Variants in TMEM108 observed in about 807,000 individuals in gnomAD.
The protein encoded by TMEM108 is cancer/testis antigen 124.
In TMEM108, 12 loss-of-function variants were observed where a neutral mutation model predicts 35.1. That is an observed-to-expected ratio of 0.34 (90% CI 0.22 to 0.55). The LOEUF (loss-of-function observed/expected upper bound fraction) is 0.55, where lower values mean the gene tolerates loss of function less well. TMEM108 is among the 20% of genes least tolerant of loss of function. The pLI is 0.89. For missense variants in TMEM108, 680 were observed against 753.3 expected (o/e 0.90, Z 1.14); for synonymous variants, 287 against 308.6 (o/e 0.93, Z 0.73).
At chr3:133,055,117 C>G (rs947445163) in intron 2 of TMEM108, among the ~76,000 whole-genome samples, 1 of 152,148 alleles carries the variant, frequency 6.6e-6, no homozygotes, top group Non-Finnish European at 1.5e-5. Context: ...TCCCCATCCC[C>G]TGTATTGAAT....
intron 2 of TMEM108, among the ~76,000 whole-genome samples, chr3:133,149,382 A>C (rs553795849): frequency 6.9e-4 from 105 of 152,324 alleles, no homozygotes; most frequent in Non-Finnish European, 1.5e-5. Flanking sequence ...AGAACACTAA[A>C]GATCTCTTAG....
intron 3 of TMEM108, among the ~76,000 whole-genome samples, chr3:133,238,295 T>A (rs1409079805): frequency 6.6e-6 from 1 of 152,242 alleles, no homozygotes; most frequent in African/African-American, 2.4e-5. Context: ...TTCCTTTGTT[T>A]CCAGTCTAAT....
intron 3 of TMEM108, chr3:133,378,211 C>T: frequency 4.7e-6 from 2 of 426,514 alleles, no homozygotes; most frequent in Non-Finnish European, 6.3e-6. Flanking sequence ...CCTCCCACTC[C>T]CCACCAATTT....
chr3:133,206,568 G>T (rs1004835262), intron 2 of TMEM108, among the ~76,000 whole-genome samples: 1 of 152,196 alleles, frequency 6.6e-6, no homozygotes, highest in Non-Finnish European at 1.5e-5. Flanking sequence ...CTCTGCTGCA[G>T]GACCATTGGA....
intron 2 of TMEM108, among the ~76,000 whole-genome samples, chr3:133,092,162 A>G (rs887021326): frequency 5.9e-5 from 9 of 152,218 alleles, no homozygotes; most frequent in Non-Finnish European, 1.5e-5. Flanking sequence ...GAAACAACCC[A>G]TCATTTGAGC....
intron 2 of TMEM108, among the ~76,000 whole-genome samples, chr3:133,159,048 C>G (rs1944922737): frequency 6.6e-6 from 1 of 152,154 alleles, no homozygotes; most frequent in East Asian, 1.9e-4. Flanking sequence ...AGAAGGACAG[C>G]AAAAATGCAG....
intron 2 of TMEM108, among the ~76,000 whole-genome samples, chr3:133,095,689 G>C (rs1364988499): frequency 6.6e-6 from 1 of 152,102 alleles, no homozygotes; most frequent in Non-Finnish European, 1.5e-5. Context: ...ATTCACAATA[G>C]GGTTTGTGCT....
At position 133,392,283 on chromosome 3, in the gene TMEM108, C is replaced by A. The variant is rs561420994; in HGVS notation, c.1605+1949C>A. Reference sequence around the variant, plus strand: ...GTTCAAGTGATTCTCCTGCCTCAGCCTCCCAAGTAGCTGGGACTACAAGCA... The same window carrying A: ...GTTCAAGTGATTCTCCTGCCTCAGCATCCCAAGTAGCTGGGACTACAAGCA... On this transcript the variant is annotated intron_variant, in intron 5 of 5. Coordinates refer to ENST00000321871, the MANE Select transcript of TMEM108 (RefSeq NM_023943.4). Among the ~76,000 whole-genome samples the A allele has an allele frequency of 3.6e-3, 526 of 147,584 alleles. 1 individual carries two copies. Among genetic ancestry groups the A allele is most frequent in the Non-Finnish European group, 6.3e-3 (417 of 66,078 alleles).
At chr3:133,125,493 G>A (rs980982578) in intron 2 of TMEM108, among the ~76,000 whole-genome samples, 1 of 152,114 alleles carries the variant, frequency 6.6e-6, no homozygotes, top group Non-Finnish European at 1.5e-5. Context: ...GAAAATAAGA[G>A]GTGATATAGC....
At chr3:133,156,213 G>C (rs998892704) in intron 2 of TMEM108, among the ~76,000 whole-genome samples, 1 of 152,024 alleles carries the variant, frequency 6.6e-6, no homozygotes, top group Non-Finnish European at 1.5e-5. Context: ...TGATTCTGTA[G>C]GTGTTTTACA....
chr3:133,050,555 G>A (rs1483978031), intron 2 of TMEM108, among the ~76,000 whole-genome samples: 1 of 151,920 alleles, frequency 6.6e-6, no homozygotes, highest in African/African-American at 2.4e-5. Context: ...TATATTCTTG[G>A]TGTTGTACAT....
At chr3:133,246,471 T>C (rs1946387240) in intron 3 of TMEM108, 1 of 135,900 alleles carries the variant, frequency 7.4e-6, no homozygotes, top group South Asian at 2.4e-4. Context: ...TTATTCTGAT[T>C]TGTCCTAAAA....
intron 3 of TMEM108, among the ~76,000 whole-genome samples, chr3:133,299,051 TC>T (rs1211164012): frequency 6.6e-6 from 1 of 152,100 alleles, no homozygotes; most frequent in African/African-American, 2.4e-5. Context: ...GAACACTTTT[TC>T]ATGAGTTTGT....
intron 2 of TMEM108, among the ~76,000 whole-genome samples, chr3:133,206,029 C>A (rs980510081): frequency 2.6e-5 from 4 of 152,140 alleles, no homozygotes; most frequent in Non-Finnish European, 4.4e-5. Context: ...CTTGTCTTCA[C>A]AGTTTATTTC....
chr3:133,253,779 G>T (rs889736954), intron 3 of TMEM108, among the ~76,000 whole-genome samples: 10 of 152,122 alleles, frequency 6.6e-5, no homozygotes, highest in Non-Finnish European at 1.3e-4. Flanking sequence ...GGTTTCCCTT[G>T]GTTGGCTGAC....
At chr3:133,197,914 C>T (rs1438195887) in intron 2 of TMEM108, among the ~76,000 whole-genome samples, 1 of 152,178 alleles carries the variant, frequency 6.6e-6, no homozygotes, top group Non-Finnish European at 1.5e-5. Context: ...ACAAAACCTT[C>T]CATCTTTTGT....
At chr3:133,297,400 C>T (rs968250716) in intron 3 of TMEM108, among the ~76,000 whole-genome samples, 1 of 151,852 alleles carries the variant, frequency 6.6e-6, no homozygotes, top group Admixed American at 6.6e-5. Context: ...GGAAGATGGA[C>T]GAAGTACAGT....
At chr3:133,163,430 T>C (rs1307003745) in intron 2 of TMEM108, among the ~76,000 whole-genome samples, 2 of 152,164 alleles carry the variant, frequency 1.3e-5, no homozygotes, top group Non-Finnish European at 2.9e-5. Flanking sequence ...GGGTGCATTG[T>C]CCAAATAGTC....
At chr3:133,231,304 C>G (rs1420186819) in intron 3 of TMEM108, among the ~76,000 whole-genome samples, 3 of 152,038 alleles carry the variant, frequency 2.0e-5, no homozygotes, top group African/African-American at 7.2e-5. Flanking sequence ...ACATAACAAA[C>G]TAGTCTAAAA....
Sources: allele counts gnomAD v4.1 joint callset (sites outside exome capture counted in the v4.1 genomes callset), GRCh38; gene constraint gnomAD v4.1.1; transcripts MANE v1.5; gene names NCBI Gene and HGNC (gene_info 2026-07-23, HGNC 2026-07-21).